The following SH3RF3 variants were observed in gnomAD, a reference collection of about 807,000 sequenced individuals.
SH3RF3 encodes SH3 domain containing ring finger 3.
Under a neutral mutation model 66.3 loss-of-function variants are expected in SH3RF3, and 29 were observed. The ratio of observed to expected loss-of-function variants is 0.44; its 90% CI spans 0.33 to 0.60. The LOEUF is 0.60. Ranked by LOEUF, SH3RF3 falls within the 20% of genes least tolerant of loss-of-function variation. SH3RF3 has a pLI of 0.04. For synonymous variants in SH3RF3, 583 were observed against 532.0 expected, an observed-to-expected ratio of 1.10 and a Z score of -1.32; for missense variants, 1,194 against 1,190.9, an observed-to-expected ratio of 1.00 and a Z score of -0.04.
At chr2:109,304,594 C>A (rs1440598803) in intron 1 of SH3RF3, among the ~76,000 whole-genome samples, 2 of 152,206 alleles carry the variant, frequency 1.3e-5, no homozygotes, top group East Asian at 3.8e-4. Flanking sequence ...CCCTCACCCT[C>A]TATCTTTAAG....
chr2:109,319,785 A>C (rs978840844), intron 1 of SH3RF3, among the ~76,000 whole-genome samples: 1 of 152,228 alleles, frequency 6.6e-6, no homozygotes, highest in African/African-American at 2.4e-5. Context: ...TTCACTGCCC[A>C]GTCCAATCTG....
intron 1 of SH3RF3, among the ~76,000 whole-genome samples, chr2:109,268,383 G>A (rs998535069): frequency 2.0e-5 from 3 of 151,916 alleles, no homozygotes; most frequent in Non-Finnish European, 2.9e-5. Context: ...CGTTTCACCC[G>A]CACAACTGCA....
At chr2:109,347,421 T>A (rs945063472) in intron 1 of SH3RF3, among the ~76,000 whole-genome samples, 1 of 152,032 alleles carries the variant, frequency 6.6e-6, no homozygotes, top group Non-Finnish European at 1.5e-5. Flanking sequence ...GTTGTCTGTG[T>A]GGAAGGCCTC....
At chr2:109,191,237 A>C (rs1297858532) in intron 1 of SH3RF3, among the ~76,000 whole-genome samples, 1 of 152,178 alleles carries the variant, frequency 6.6e-6, no homozygotes, top group African/African-American at 2.4e-5. Flanking sequence ...TGCTTAAAAA[A>C]GTGGACGGGA....
chr2:109,228,657 C>G (rs989901954), intron 1 of SH3RF3, among the ~76,000 whole-genome samples: 3 of 152,100 alleles, frequency 2.0e-5, no homozygotes, highest in African/African-American at 7.2e-5. Context: ...GGCTGCAAAT[C>G]TGGTTTATTA....
rs537918829 is a variant in SH3RF3 at position 109,294,515 on chromosome 2, C to G, written c.574-53159C>G. ...GGTGGAGGTTGCAGTGAGCCAAGATCACACCACTACACTCCAGCTTGTGTG... is the reference window on the plus strand; with the variant it reads ...GGTGGAGGTTGCAGTGAGCCAAGATGACACCACTACACTCCAGCTTGTGTG... On this transcript the variant is annotated intron_variant, in intron 1 of 9. Coordinates refer to ENST00000309415, the MANE Select transcript of SH3RF3 (RefSeq NM_001099289.3). Among the ~76,000 whole-genome samples, 527 of 148,616 alleles carry G rather than the reference C, an allele frequency of 3.5e-3. 1 individual carries two copies. The highest frequency in any genetic ancestry group is 0.012 in the African/African-American group (492 of 40,240).
At chr2:109,318,100 C>CAAAAA (rs3054730) in intron 1 of SH3RF3, among the ~76,000 whole-genome samples, 10 of 134,588 alleles carry the variant, frequency 7.4e-5, no homozygotes, top group African/African-American at 2.7e-4. Flanking sequence ...TTTCAGTACG[C>CAAAAA]AAAAAAAAAA....
chr2:109,160,717 C>A (rs1426638614), intron 1 of SH3RF3, among the ~76,000 whole-genome samples: 7 of 152,172 alleles, frequency 4.6e-5, no homozygotes. Flanking sequence ...CTCAGCCTGT[C>A]CCTGCTCCTA....
chr2:109,400,266 C>T (rs1230982324), intron 4 of SH3RF3, among the ~76,000 whole-genome samples: 3 of 151,960 alleles, frequency 2.0e-5, no homozygotes, highest in South Asian at 2.1e-4. Context: ...AGCACATGCC[C>T]GCCCGCACAT....
At chr2:109,261,462 T>G (rs13419247) in intron 1 of SH3RF3, among the ~76,000 whole-genome samples, 38,319 of 152,118 alleles carry the variant, frequency 0.25, 5,245 homozygotes, top group East Asian at 0.46. Context: ...GTTTGCTTCT[T>G]GGCTTTGGAG....
Position 109,490,611 on chromosome 2 carries a change from A to C in SH3RF3, c.2155A>C (p.Lys719Gln). 1 of 1,442,224 alleles carries C rather than the reference A, an allele frequency of 6.9e-7. No homozygotes were observed. Among genetic ancestry groups the C allele is most frequent in the Non-Finnish European group, 9.1e-7 (1 of 1,095,454 alleles). 89.3% of individuals were successfully genotyped at this position (1,442,224 alleles called of 1,614,324 possible). A position where few individuals can be genotyped will look rare whatever the true frequency, so the allele number is the denominator to read the frequency against. ...ATCTTGTGTGTCTCCCCAGAAAGAG[A>C]AGAAGAGTGGGCTCCTGAAGCTTCT... ...LDEKKSEKKE[K>Q]KSGLLKLLAG... The change falls in exon 9 of 10, where the codon AAG (lysine) becomes CAG (glutamine). Residue 719 changes from lysine (K) to glutamine (Q), a missense_variant. Lys to Gln is a moderately conservative substitution (Grantham distance 53). Transcript: ENST00000309415.
intron 4 of SH3RF3, among the ~76,000 whole-genome samples, chr2:109,418,318 T>C (rs1355848115): frequency 6.6e-6 from 1 of 152,060 alleles, no homozygotes; most frequent in Non-Finnish European, 1.5e-5. Context: ...TCCTGAGGCT[T>C]CCAGAGCAGT....
chr2:109,427,027 G>C (rs1055192356), intron 5 of SH3RF3, among the ~76,000 whole-genome samples: 1 of 152,018 alleles, frequency 6.6e-6, no homozygotes, highest in African/African-American at 2.4e-5. Context: ...GGAGTGCAGT[G>C]GCATGATCTC....
At chr2:109,222,541 G>C (rs991619433) in intron 1 of SH3RF3, among the ~76,000 whole-genome samples, 1 of 152,182 alleles carries the variant, frequency 6.6e-6, no homozygotes, top group Admixed American at 6.5e-5. Flanking sequence ...ATTGTTGGAG[G>C]GGCAAGGGTG....
At chr2:109,380,336 A>G (rs955389867) in intron 3 of SH3RF3, among the ~76,000 whole-genome samples, 16 of 152,066 alleles carry the variant, frequency 1.1e-4, no homozygotes, top group African/African-American at 3.9e-4. Flanking sequence ...AGCCCCTTTG[A>G]GGCCAGACCT....
At chr2:109,193,870 A>T (rs1421710621) in intron 1 of SH3RF3, among the ~76,000 whole-genome samples, 3 of 152,132 alleles carry the variant, frequency 2.0e-5, no homozygotes, top group Non-Finnish European at 1.5e-5. Context: ...GGGTTTTCTG[A>T]TAATCTCCGT....
intron 7 of SH3RF3, among the ~76,000 whole-genome samples, chr2:109,442,277 C>T (rs1464822659): frequency 6.7e-6 from 1 of 149,232 alleles, no homozygotes; most frequent in African/African-American, 2.5e-5. Flanking sequence ...TGCCACTGCA[C>T]TCCAGCCTGG....
chr2:109,203,466 G>C (rs1678733707), intron 1 of SH3RF3, among the ~76,000 whole-genome samples: 1 of 152,192 alleles, frequency 6.6e-6, no homozygotes, highest in Non-Finnish European at 1.5e-5. Flanking sequence ...TATTCTTTAA[G>C]TCGCTTCTTA....
chr2:109,212,474 C>T (rs1282738642), intron 1 of SH3RF3, among the ~76,000 whole-genome samples: 1 of 152,186 alleles, frequency 6.6e-6, no homozygotes, highest in African/African-American at 2.4e-5. Flanking sequence ...AGCAACCATC[C>T]TGACTGCATT....
Sources: allele counts gnomAD v4.1 joint callset (sites outside exome capture counted in the v4.1 genomes callset), GRCh38; gene constraint gnomAD v4.1.1; transcripts MANE v1.5; gene names NCBI Gene and HGNC (gene_info 2026-07-23, HGNC 2026-07-21).